The following CMIP variants were observed in gnomAD, a reference collection of about 807,000 sequenced individuals.
The protein encoded by CMIP is C-Maf-inducing protein.
CMIP carries 13 observed loss-of-function variants against 97.3 expected under a neutral mutation model. The ratio of observed to expected loss-of-function variants is 0.13; its 90% CI spans 0.09 to 0.21. The LOEUF (loss-of-function observed/expected upper bound fraction) is 0.21, where lower values mean the gene tolerates loss of function less well. Ranked by LOEUF, CMIP falls within the 10% of genes least tolerant of loss-of-function variation. CMIP has a pLI of 1.00. For missense variants in CMIP, 847 were observed against 1,024.9 expected (o/e 0.83, Z 2.37); for synonymous variants, 538 against 436.3 (o/e 1.23, Z -2.91).
chr16:81,598,968 C>CAAAAAAAAAAAAAAAAAAAAAAAAAAAA (rs141717317), intron 1 of CMIP, among the ~76,000 whole-genome samples: 2 of 49,874 alleles, frequency 4.0e-5, no homozygotes, highest in African/African-American at 8.0e-5. Context: ...GACTCTGTCT[C>CAAAAAAAAAAAAAAAAAAAAAAAAAAAA]AAAAAAAAAA....
At chr16:81,689,693 C>T (rs911421383) in intron 10 of CMIP, among the ~76,000 whole-genome samples, 4 of 152,092 alleles carry the variant, frequency 2.6e-5, no homozygotes, top group Non-Finnish European at 2.9e-5. Context: ...CTTTTGTTGC[C>T]ATTGCTTTTG....
At chr16:81,687,017 C>T (rs753940970) in intron 10 of CMIP, among the ~76,000 whole-genome samples, 4 of 152,138 alleles carry the variant, frequency 2.6e-5, no homozygotes, top group Non-Finnish European at 5.9e-5. Context: ...GTTCAGATCC[C>T]ACCTCCTGCC....
rs780106004 is a variant in CMIP, at chr16:81,616,025, G to A, written c.427-4851G>A. ...CGCACTGGGGCAGAAGGAGCCGGGC[G>A]CGGTGGGTGGGAGATCTTGGCTGTC... On this transcript the variant is annotated intron_variant, in intron 2 of 20. Transcript: ENST00000537098. This position sits in a 1 kb window ranked among gnomAD's most constrained non-coding sequence, Gnocchi z 4.7. Among the ~76,000 whole-genome samples, 5 of 152,096 alleles carry A rather than the reference G, an allele frequency of 3.3e-5. No individual in the cohort carries two copies. Among genetic ancestry groups the A allele is most frequent in the East Asian group, 1.9e-4 (1 of 5,194 alleles).
In CMIP at chr16:81,652,426, C is replaced by T; in HGVS notation, c.639+62C>T. 7.0e-7 allele frequency: 1 copy of T among 1,427,844 alleles called. No individual in the cohort carries two copies. Among genetic ancestry groups the T allele is most frequent in the South Asian group, 1.2e-5 (1 of 80,454 alleles). The allele number at this position is 1,427,844 out of a possible 1,614,324, so 88.4% of individuals were successfully genotyped here. On this transcript the variant is annotated intron_variant, in intron 4 of 20. Coordinates refer to ENST00000537098, the MANE Select transcript of CMIP (RefSeq NM_198390.3). The surrounding 1 kb of genome is among the most constrained non-coding windows in gnomAD (Gnocchi z 5.2). ...CCTTTCCCTCCACCGATCACCGGCT[C>T]CATGCCAAGCAGCAGGCGCAGGCAG...
intron 14 of CMIP, 118 bp downstream of exon 14, chr16:81,696,785 C>A: frequency 1.2e-6 from 1 of 832,448 alleles, no homozygotes; most frequent in Non-Finnish European, 1.8e-6. Context: ...CCGGCTAACA[C>A]AGTGCTGATC....
At position 81,489,604 on chromosome 16, in the gene CMIP, G is replaced by A. The variant is rs544191966; in HGVS notation, c.300+44063G>A. Among the ~76,000 whole-genome samples the A allele has an allele frequency of 1.2e-4, 18 of 152,282 alleles. 1 individual carries two copies. The South Asian group carries it at 3.7e-3, about 32-fold the overall frequency. ...ACCCAGCACACCCTGTCACCAAACA[G>A]ACCCACGAGGCCACCATTCTCCCAG... On this transcript the variant is annotated intron_variant, in intron 1 of 20. Coordinates refer to ENST00000537098, the MANE Select transcript of CMIP (RefSeq NM_198390.3).
rs368642647 is a variant in CMIP, at chr16:81,605,342, A to G, written c.301-2225A>G. On this transcript the variant is annotated intron_variant, in intron 1 of 20. Transcript: ENST00000537098. ...GGTGAGCGATGCAGTGGTGGAAAGG[A>G]CAGGATGAACGCAGCTGCCTCCTCC... 7.2e-5 allele frequency among the ~76,000 whole-genome samples: 11 copies of G among 152,328 alleles called. No individual in the cohort carries two copies. The East Asian group carries it at 1.5e-3, about 21-fold the overall frequency.
chr16:81,483,984 A>G (rs2089273623), intron 1 of CMIP, among the ~76,000 whole-genome samples: 1 of 152,108 alleles, frequency 6.6e-6, no homozygotes, highest in African/African-American at 2.4e-5. Flanking sequence ...GTTTAGTTCA[A>G]TCCTGTATGT....
rs1182782565 is a variant in CMIP at position 81,709,814 on chromosome 16, G to C, written c.*15G>C. 1.2e-6 allele frequency: 2 copies of C among 1,613,752 alleles called. No homozygotes were observed. Among genetic ancestry groups the C allele is most frequent in the South Asian group, 2.2e-5 (2 of 91,022 alleles). ...AAGCCTGGTGAAGCTCCCAGCTCAAGGCAGGAAGACGTTTGCAACCGCGAC... is the reference window on the plus strand; with the variant it reads ...AAGCCTGGTGAAGCTCCCAGCTCAACGCAGGAAGACGTTTGCAACCGCGAC... On this transcript the variant is annotated 3_prime_UTR_variant, in exon 21 of 21. Transcript: ENST00000537098.
intron 2 of CMIP, chr16:81,618,963 C>G (rs904335946): frequency 1.3e-5 from 2 of 152,252 alleles, no homozygotes; most frequent in Non-Finnish European, 2.9e-5. Context: ...AGAGCTTGGG[C>G]AGTGCTGATG....
intron 9 of CMIP, among the ~76,000 whole-genome samples, chr16:81,676,271 C>T (rs775535047): frequency 1.3e-5 from 2 of 152,082 alleles, no homozygotes; most frequent in Non-Finnish European, 2.9e-5. Flanking sequence ...CAGAGAAGCA[C>T]GATGCTGCCA....
intron 1 of CMIP, among the ~76,000 whole-genome samples, chr16:81,599,266 C>G (rs770192608): frequency 6.6e-6 from 1 of 152,086 alleles, no homozygotes. Flanking sequence ...TGAGGGAAAC[C>G]AGGGGAGGGA....
At chr16:81,555,925 T>C (rs1366790305) in intron 1 of CMIP, among the ~76,000 whole-genome samples, 1 of 152,170 alleles carries the variant, frequency 6.6e-6, no homozygotes, top group African/African-American at 2.4e-5. Context: ...GCTGTGAGCA[T>C]GAGAGCTAGG....
rs889757607 is a variant in CMIP, at chr16:81,614,932, CTG to C, written c.427-5937_427-5936del. 2.7e-5 allele frequency among the ~76,000 whole-genome samples: 4 copies of C among 145,734 alleles called. No homozygotes were observed. The highest frequency in any genetic ancestry group is 2.2e-4 in the South Asian group (1 of 4,560). On this transcript the variant is annotated intron_variant, in intron 2 of 20. Coordinates refer to ENST00000537098, the MANE Select transcript of CMIP (RefSeq NM_198390.3). The surrounding 1 kb of genome is among the most constrained non-coding windows in gnomAD (Gnocchi z 5.3). ...TATGTGGTGTGCATAGTGTGTATCT[CTG>C]TGTGTGGTGTGTGCATGTGTGTGGT...
At chr16:81,659,784 C>G (rs2092524676) in intron 5 of CMIP, among the ~76,000 whole-genome samples, 1 of 152,216 alleles carries the variant, frequency 6.6e-6, no homozygotes, top group African/African-American at 2.4e-5. Flanking sequence ...TCAGGTTGAG[C>G]TTCCCGGCTC....
intron 14 of CMIP, chr16:81,697,692 A>G (rs1007003920): frequency 6.6e-6 from 1 of 152,214 alleles, no homozygotes; most frequent in Non-Finnish European, 1.5e-5. Flanking sequence ...GCCGGTGGTG[A>G]TTCTCCTCTC....
chr16:81,566,750 C>T (rs952917996), intron 1 of CMIP, among the ~76,000 whole-genome samples: 8 of 152,148 alleles, frequency 5.3e-5, no homozygotes, highest in Non-Finnish European at 1.2e-4. Flanking sequence ...AGAAACAACC[C>T]AAGTATCCAT....
At chr16:81,668,945 TCA>T (rs2092643954) in intron 7 of CMIP, among the ~76,000 whole-genome samples, 2 of 83,074 alleles carry the variant, frequency 2.4e-5, no homozygotes, top group African/African-American at 1.0e-4. Flanking sequence ...CACACCCACC[TCA>T]CACCTTCCAC....
chr16:81,515,746 G>A (rs912361288), intron 1 of CMIP, among the ~76,000 whole-genome samples: 1 of 152,182 alleles, frequency 6.6e-6, no homozygotes. Flanking sequence ...TCCTTGCTCT[G>A]ATCTGCTGGG....
Sources: gnomAD v4.1 joint callset for allele counts (sites outside exome capture counted in the v4.1 genomes callset) on GRCh38, gnomAD v4.1.1 for gene constraint, Gnocchi (gnomAD v3.1) non-coding constraint, MANE v1.5 for transcripts, NCBI Gene and HGNC (gene_info 2026-07-23, HGNC 2026-07-21) for gene names.